The following FRMD4A variants were observed in gnomAD, a reference collection of about 807,000 sequenced individuals.
FRMD4A encodes the protein FERM domain-containing protein 4A.
A neutral mutation model predicts 129.1 loss-of-function variants in FRMD4A; 29 were observed. The ratio of observed to expected loss-of-function variants is 0.22; its 90% CI spans 0.17 to 0.31. The LOEUF (loss-of-function observed/expected upper bound fraction) is 0.31. Among genes scored for constraint, FRMD4A ranks in the 10% least tolerant of loss-of-function variants. The pLI is 1.00. For synonymous variants in FRMD4A, 634 were observed against 571.6 expected (o/e 1.11, Z -1.56); for missense variants, 1,272 against 1,375.8 (o/e 0.92, Z 1.19).
chr10:13,970,719 G>A (rs1463457130), intron 2 of FRMD4A, among the ~76,000 whole-genome samples: 3 of 152,092 alleles, frequency 2.0e-5, no homozygotes, highest in South Asian at 2.1e-4. Context: ...CACTCCCCAC[G>A]CAATCTGGGT....
chr10:13,689,837 A>G (rs1190433685), intron 15 of FRMD4A, among the ~76,000 whole-genome samples: 2 of 152,068 alleles, frequency 1.3e-5, no homozygotes, highest in Non-Finnish European at 2.9e-5. Context: ...ACCCTCCTGA[A>G]TAGGCGTGAG....
intron 2 of FRMD4A, among the ~76,000 whole-genome samples, chr10:13,960,986 C>A (rs2095442821): frequency 6.6e-6 from 1 of 152,202 alleles, no homozygotes; most frequent in Non-Finnish European, 1.5e-5. Context: ...AAATAGATTT[C>A]TCTTGTGTTA....
chr10:13,805,338 T>C (rs1257491537), intron 4 of FRMD4A, among the ~76,000 whole-genome samples: 2 of 152,038 alleles, frequency 1.3e-5, no homozygotes, highest in African/African-American at 4.8e-5. Context: ...GAAAATAAAT[T>C]CTAACTATAC....
At chr10:13,789,872 C>T (rs545801437) in intron 5 of FRMD4A, among the ~76,000 whole-genome samples, 17 of 150,924 alleles carry the variant, frequency 1.1e-4, no homozygotes, top group Admixed American at 3.3e-4. Context: ...ATGCAAGTCA[C>T]GCTAAAGATG....
At chr10:14,031,483 G>C (rs1374483670) in intron 2 of FRMD4A, among the ~76,000 whole-genome samples, 1 of 152,174 alleles carries the variant, frequency 6.6e-6, no homozygotes, top group Non-Finnish European at 1.5e-5. Context: ...GGTCAGGCTG[G>C]TCTTGAACTC....
chr10:14,080,761 T>A (rs1835883629), intron 2 of FRMD4A, among the ~76,000 whole-genome samples: 1 of 152,010 alleles, frequency 6.6e-6, no homozygotes, highest in South Asian at 2.1e-4. Context: ...GAGCCCAAGG[T>A]GATCAGTGTC....
At chr10:13,773,987 TG>T (rs1480524636) in intron 6 of FRMD4A, among the ~76,000 whole-genome samples, 1 of 152,178 alleles carries the variant, frequency 6.6e-6, no homozygotes, top group Non-Finnish European at 1.5e-5. Context: ...AGGCTTCCTG[TG>T]AGAGTTTCCC....
intron 2 of FRMD4A, among the ~76,000 whole-genome samples, chr10:14,185,486 A>G (rs1344708568): frequency 3.3e-5 from 5 of 152,228 alleles, no homozygotes; most frequent in African/African-American, 9.6e-5. Flanking sequence ...AACATTTTGT[A>G]ATTTTTCTAA....
intron 2 of FRMD4A, among the ~76,000 whole-genome samples, chr10:14,070,677 A>T (rs548063530): frequency 6.6e-6 from 1 of 151,682 alleles, no homozygotes; most frequent in South Asian, 2.1e-4. Flanking sequence ...GTTATATTAT[A>T]TTCTTTGTTA....
chr10:13,701,427 C>T lies in FRMD4A; in HGVS notation c.888G>A (p.Thr296=), dbSNP rs779028865. 155 of 1,611,908 alleles carry T rather than the reference C, an allele frequency of 9.6e-5. No individual in the cohort carries two copies. In the Admixed American group the frequency reaches 1.1e-3, roughly 12 times the overall value. The part of the protein sequence containing the change: ...TFGHSGIAVH[T]WYACPALIKS... ...TGATCAATGCCGGACATGCATACCA[C>T]GTGTGCACTGCAATGCCGCTGTGCC... Residue 296 remains threonine, a synonymous_variant, in exon 14 of 25, where the codon ACG becomes ACA. Coordinates refer to ENST00000357447, the MANE Select transcript of FRMD4A (RefSeq NM_018027.5).
At position 13,729,747 on chromosome 10, in the gene FRMD4A, T is replaced by C. The variant is rs756067; in HGVS notation, c.759+8097A>G. On this transcript the variant is annotated intron_variant, in intron 12 of 24. Transcript: ENST00000357447. ...ACCCCATAGTGCTCCTAATTGTGCA[T>C]CTAAGTGTACATAAAAGCCCCCCTA... Among the ~76,000 whole-genome samples the C allele has an allele frequency of 0.011, 1,620 of 152,254 alleles. 69 individuals are homozygous for C. In the East Asian group the frequency reaches 0.12, roughly 11 times the overall value.
At chr10:14,009,359 C>T (rs1588758371) in intron 2 of FRMD4A, among the ~76,000 whole-genome samples, 1 of 151,832 alleles carries the variant, frequency 6.6e-6, no homozygotes, top group Non-Finnish European at 1.5e-5. Flanking sequence ...TACACTGCTT[C>T]TGTCTGTTCT....
chr10:14,292,094 G>A (rs1228787409), intron 2 of FRMD4A, among the ~76,000 whole-genome samples: 1 of 152,148 alleles, frequency 6.6e-6, no homozygotes, highest in Non-Finnish European at 1.5e-5. Flanking sequence ...AAGAAGATTT[G>A]AAGTGTTAAT....
intron 3 of FRMD4A, among the ~76,000 whole-genome samples, chr10:13,848,203 A>C (rs10796138): frequency 6.6e-6 from 1 of 152,158 alleles, no homozygotes; most frequent in Non-Finnish European, 1.5e-5. Context: ...GGCACCATAG[A>C]GAGGACATGG....
intron 15 of FRMD4A, chr10:13,685,590 G>A: frequency 1.0e-6 from 1 of 984,558 alleles, no homozygotes; most frequent in Non-Finnish European, 1.2e-6. Flanking sequence ...TCCCAGCAAA[G>A]GAGCACTGCA....
intron 2 of FRMD4A, among the ~76,000 whole-genome samples, chr10:13,869,138 G>A (rs2094410237): frequency 6.6e-6 from 1 of 152,186 alleles, no homozygotes; most frequent in Non-Finnish European, 1.5e-5. Context: ...TGGGGACCCA[G>A]CGGTCTATGT....
At chr10:13,892,658 C>A (rs1382021230) in intron 2 of FRMD4A, among the ~76,000 whole-genome samples, 1 of 152,178 alleles carries the variant, frequency 6.6e-6, no homozygotes, top group Non-Finnish European at 1.5e-5. Flanking sequence ...TTAGCAAAAG[C>A]CGACTTGTTT....
chr10:14,128,029 T>TC (rs1838997105), intron 2 of FRMD4A, among the ~76,000 whole-genome samples: 1 of 144,466 alleles, frequency 6.9e-6, no homozygotes, highest in African/African-American at 2.6e-5. Context: ...CCTTCCTTCC[T>TC]TCCTTCCTTT....
intron 2 of FRMD4A, among the ~76,000 whole-genome samples, chr10:14,324,452 T>C (rs990004058): frequency 6.6e-6 from 1 of 152,166 alleles, no homozygotes; most frequent in African/African-American, 2.4e-5. Context: ...AATATTAGTT[T>C]CGCCCTTAGA....
Sources: allele counts gnomAD v4.1 joint callset (sites outside exome capture counted in the v4.1 genomes callset), GRCh38; gene constraint gnomAD v4.1.1; transcripts MANE v1.5; gene names NCBI Gene and HGNC (gene_info 2026-07-23, HGNC 2026-07-21).